Variants in RIT2 observed in about 807,000 individuals in gnomAD.
The protein encoded by RIT2 is Ras like without CAAX 2, also known as GTP-binding protein Rit2.
A neutral mutation model predicts 23.7 loss-of-function variants in RIT2; 24 were observed. The observed-to-expected ratio is 1.01, with a 90% CI of 0.73 to 1.43. The LOEUF (loss-of-function observed/expected upper bound fraction) is 1.43, where lower values mean the gene tolerates loss of function less well. Ranked by LOEUF, RIT2 falls within the 40% of genes most tolerant of loss-of-function variation. The probability of loss-of-function intolerance (pLI) is 0.00; values close to 1 mark genes in which losing one functional copy is unlikely to be tolerated. For missense variants in RIT2, 236 were observed against 266.9 expected (o/e 0.88, Z 0.81); for synonymous variants, 107 against 91.1 (o/e 1.17, Z -0.99).
intron 3 of RIT2, among the ~76,000 whole-genome samples, chr18:42,962,937 C>T (rs1204285209): frequency 6.6e-6 from 1 of 152,138 alleles, no homozygotes; most frequent in East Asian, 1.9e-4. Context: ...CTTTTGAGGG[C>T]ACTTAATGGC....
chr18:42,991,864 CT>C (rs1277670812), intron 2 of RIT2, among the ~76,000 whole-genome samples: 1 of 152,094 alleles, frequency 6.6e-6, no homozygotes, highest in Non-Finnish European at 1.5e-5. Context: ...CGCTGACTCT[CT>C]TTTCGGACTC....
At chr18:42,936,809 C>T (rs765254902) in intron 3 of RIT2, among the ~76,000 whole-genome samples, 11 of 152,002 alleles carry the variant, frequency 7.2e-5, no homozygotes, top group Non-Finnish European at 1.0e-4. Flanking sequence ...ATCAGGAGTT[C>T]GAGACCAGCT....
At chr18:43,060,521 C>T (rs1301868165) in intron 1 of RIT2, among the ~76,000 whole-genome samples, 4 of 152,140 alleles carry the variant, frequency 2.6e-5, no homozygotes, top group Admixed American at 1.3e-4. Context: ...GCTATGCCTT[C>T]ACATTATTCC....
At chr18:42,820,462 G>T (rs1264291467) in intron 4 of RIT2, among the ~76,000 whole-genome samples, 2 of 152,072 alleles carry the variant, frequency 1.3e-5, no homozygotes, top group Non-Finnish European at 1.5e-5. Flanking sequence ...ACCTACAGGG[G>T]CTACATCAAT....
At chr18:42,764,018 C>T (rs1913364948) in intron 4 of RIT2, among the ~76,000 whole-genome samples, 1 of 152,118 alleles carries the variant, frequency 6.6e-6, no homozygotes, top group Admixed American at 6.5e-5. Context: ...TTATGCAGCA[C>T]ATGACTGTAT....
At chr18:42,752,151 C>T (rs559374076) in intron 4 of RIT2, among the ~76,000 whole-genome samples, 1 of 152,128 alleles carries the variant, frequency 6.6e-6, no homozygotes, top group Non-Finnish European at 1.5e-5. Flanking sequence ...CATATTGCAA[C>T]AGCATCAGAG....
intron 1 of RIT2, among the ~76,000 whole-genome samples, chr18:43,088,105 G>C (rs1180104483): frequency 6.6e-6 from 1 of 151,952 alleles, no homozygotes; most frequent in Non-Finnish European, 1.5e-5. Context: ...AAATATCTCA[G>C]ATGTCTCCTC....
Position 42,992,625 on chromosome 18 carries a change from A to C in RIT2, c.161-18478T>G, listed in dbSNP as rs564896750. Among the ~76,000 whole-genome samples, 3 of 151,724 alleles carry C rather than the reference A, an allele frequency of 2.0e-5. No individual in the cohort carries two copies. The South Asian group carries it at 6.3e-4, about 32-fold the overall frequency. On this transcript the variant is annotated intron_variant, in intron 2 of 4. Transcript: ENST00000326695. The stretch of plus-strand genomic sequence containing the variant: ...AATCCTTTTATCACCTCCCCTCCTC[A>C]CACCCAGTCTGGCTTACAGTTTCAT...
Position 42,970,437 on chromosome 18 carries a change from C to G in RIT2, c.234+3637G>C, listed in dbSNP as rs188660425. ...CTTTATAATCTGAGATTTGGTGATG[C>G]CATGGGATTATTGTGGCACTGCAAG... On this transcript the variant is annotated intron_variant, in intron 3 of 4. Transcript: ENST00000326695. Among the ~76,000 whole-genome samples, 3 of 152,004 alleles carry G rather than the reference C, an allele frequency of 2.0e-5. No homozygotes were observed. The East Asian group carries it at 5.8e-4, about 29-fold the overall frequency.
chr18:42,937,538 C>A (rs1909490862), intron 3 of RIT2, among the ~76,000 whole-genome samples: 2 of 152,068 alleles, frequency 1.3e-5, no homozygotes, highest in Non-Finnish European at 2.9e-5. Flanking sequence ...GCATGGATTC[C>A]TATTTCCTAT....
chr18:42,931,311 T>C (rs1255815218), intron 3 of RIT2, among the ~76,000 whole-genome samples: 1 of 152,148 alleles, frequency 6.6e-6, no homozygotes, highest in African/African-American at 2.4e-5. Context: ...ATCCTTAAAC[T>C]AAATGGATAA....
At chr18:42,885,277 T>C (rs1227767595) in intron 4 of RIT2, among the ~76,000 whole-genome samples, 1 of 152,208 alleles carries the variant, frequency 6.6e-6, no homozygotes, top group African/African-American at 2.4e-5. Context: ...AATAGAAATA[T>C]TCTCTAGTTA....
intron 4 of RIT2, among the ~76,000 whole-genome samples, chr18:42,812,807 A>G (rs1351550533): frequency 6.6e-6 from 1 of 152,224 alleles, no homozygotes; most frequent in Non-Finnish European, 1.5e-5. Flanking sequence ...TATCCTGCCC[A>G]GAGACAAATC....
At chr18:43,115,344 C>A in intron 1 of RIT2, 73 bp downstream of exon 1, 1 of 1,571,516 alleles carries the variant, frequency 6.4e-7, no homozygotes, top group South Asian at 1.2e-5. Flanking sequence ...TCAGCAATAT[C>A]ATTTTTCTTT....
At chr18:42,924,135 A>G (rs192304534) in intron 3 of RIT2, among the ~76,000 whole-genome samples, 2 of 152,248 alleles carry the variant, frequency 1.3e-5, no homozygotes, top group East Asian at 1.9e-4. Context: ...TTCTAGAAAC[A>G]TTGAAGAAAA....
At chr18:43,020,131 C>T (rs1911562116) in intron 2 of RIT2, among the ~76,000 whole-genome samples, 1 of 152,006 alleles carries the variant, frequency 6.6e-6, no homozygotes, top group South Asian at 2.1e-4. Context: ...TCTACAGATT[C>T]AATGCAACCC....
chr18:42,766,933 AC>A (rs1675402938), intron 4 of RIT2, among the ~76,000 whole-genome samples: 1 of 152,194 alleles, frequency 6.6e-6, no homozygotes, highest in African/African-American at 2.4e-5. Flanking sequence ...CTGTAGGTGC[AC>A]AGAAGTCAAT....
intron 2 of RIT2, among the ~76,000 whole-genome samples, chr18:43,002,504 A>G (rs1469671781): frequency 1.4e-5 from 2 of 138,532 alleles, no homozygotes; most frequent in African/African-American, 2.7e-5. Flanking sequence ...AAAACTACCC[A>G]CATATTAGTG....
intron 4 of RIT2, among the ~76,000 whole-genome samples, chr18:42,773,018 G>C (rs1046087005): frequency 1.3e-5 from 2 of 152,088 alleles, no homozygotes; most frequent in Admixed American, 6.6e-5. Flanking sequence ...CCTCCAATCA[G>C]AGCCATAAAC....
Sources: allele counts gnomAD v4.1 joint callset (sites outside exome capture counted in the v4.1 genomes callset), GRCh38; gene constraint gnomAD v4.1.1; transcripts MANE v1.5; gene names NCBI Gene and HGNC (gene_info 2026-07-23, HGNC 2026-07-21).